TEF: variants seen among roughly 807,000 people sequenced by gnomAD.
TEF encodes the protein thyrotroph embryonic factor.
In TEF, 3 loss-of-function variants were observed where a neutral mutation model predicts 20.8. The ratio of observed to expected loss-of-function variants is 0.14; its 90% confidence interval spans 0.07 to 0.37. The LOEUF (loss-of-function observed/expected upper bound fraction) is 0.37, where lower values mean the gene tolerates loss of function less well. TEF is among the 10% of genes least tolerant of loss of function. The pLI, the probability that TEF is intolerant of heterozygous loss-of-function variation, is 1.00. For synonymous variants in TEF, 180 were observed against 171.1 expected (o/e 1.05, Z -0.41); for missense variants, 296 against 397.9 (o/e 0.74, Z 2.18).
chr22:41,381,933 G>A (rs563298443), upstream of TEF: 332 of 1,226,442 alleles, frequency 2.7e-4, 2 homozygotes, highest in African/African-American at 4.8e-3. Flanking sequence ...GGCGCCATTG[G>A]GCGCCTGCGC....
chr22:41,387,093 G>C (rs1487457867), intron 1 of TEF, among the ~76,000 whole-genome samples: 1 of 152,078 alleles, frequency 6.6e-6, no homozygotes, highest in Non-Finnish European at 1.5e-5. Context: ...CCCTATGACC[G>C]CTTAAGGTCT....
chr22:41,369,159 C>G, intron 1 of TEF: 2 of 985,352 alleles, frequency 2.0e-6, no homozygotes, highest in Non-Finnish European at 2.4e-6. Flanking sequence ...CGGGGCACTG[C>G]TCCTCAGATG....
intron 3 of TEF, among the ~76,000 whole-genome samples, chr22:41,395,030 A>G (rs958074283): frequency 3.5e-5 from 5 of 142,054 alleles, no homozygotes; most frequent in South Asian, 4.2e-4. Flanking sequence ...TTTTTGAGAC[A>G]GAGTCTCACT....
Position 41,396,231 on chromosome 22 carries a change from A to G in TEF, c.*271A>G. The G allele has an allele frequency of 2.4e-6, 1 of 423,324 alleles. No homozygotes were observed. Among genetic ancestry groups the G allele is most frequent in the Non-Finnish European group, 4.4e-6 (1 of 229,796 alleles). The allele number at this position is 423,324 out of a possible 1,614,324, so 26.2% of individuals were successfully genotyped here. ...CTTAGTTTCTATTCTTGGATGTCCC[A>G]GTTGAATCAGAAGGGGACCTCTGGA... On this transcript the variant is annotated 3_prime_UTR_variant, in exon 4 of 4. Coordinates refer to ENST00000266304, the MANE Select transcript of TEF (RefSeq NM_003216.4).
chr22:41,369,523 C>T (rs780195666), intron 1 of TEF, among the ~76,000 whole-genome samples: 1 of 152,186 alleles, frequency 6.6e-6, no homozygotes, highest in African/African-American at 2.4e-5. Flanking sequence ...GGGAAGAGGG[C>T]TGAAGAGCCA....
intron 2 of TEF, among the ~76,000 whole-genome samples, chr22:41,388,578 C>CA (rs10717641): frequency 0.013 from 1,500 of 116,324 alleles, 9 homozygotes; most frequent in Middle Eastern, 0.025. Context: ...GACGCCATCT[C>CA]AAAAAAAAAA....
rs1447210973 is a variant in TEF, at chr22:41,388,593, AAG to A, written c.475+927_475+928del. On this transcript the variant is annotated intron_variant, in intron 2 of 3. Transcript: ENST00000266304. Reference sequence around the variant, plus strand: ...GACGCCATCTCAAAAAAAAAAAAAAAAGAAAGCATTCCCACCACCTGGCCAGG... The same window carrying A: ...GACGCCATCTCAAAAAAAAAAAAAAAAAAGCATTCCCACCACCTGGCCAGG... Among the ~76,000 whole-genome samples, 13 of 149,518 alleles carry A rather than the reference AAG, an allele frequency of 8.7e-5. No individual in the cohort carries two copies. The Admixed American group carries it at 8.7e-4, about 10-fold the overall frequency.
chr22:41,370,091 C>T lies in TEF; in HGVS notation c.67+2492C>T, dbSNP rs901804275. 7.8e-5 allele frequency: 77 copies of T among 984,958 alleles called. No homozygotes were observed. In the African/African-American group the frequency reaches 1.3e-3, roughly 16 times the overall value. The allele number at this position is 984,958 out of a possible 1,614,324, so 61.0% of individuals were successfully genotyped here. The stretch of plus-strand genomic sequence containing the variant: ...GCTCTCCGCTCCGTGCAGCCTCTCA[C>T]TCCACTTTCTTTTATTTTCTCTTTC... On this transcript the variant is annotated intron_variant, in intron 1 of 3. Transcript: ENST00000406644.
At chr22:41,391,584 G>A (rs914745487) in intron 2 of TEF, among the ~76,000 whole-genome samples, 12 of 151,146 alleles carry the variant, frequency 7.9e-5, no homozygotes, top group East Asian at 5.8e-4. Context: ...TCAAAGTGCC[G>A]GGATTACAGG....
chr22:41,387,815 C>T (rs2037116196), intron 2 of TEF, 147 bp downstream of exon 2: 1 of 792,228 alleles, frequency 1.3e-6, no homozygotes, highest in East Asian at 2.7e-5. Flanking sequence ...ACTCTTCACT[C>T]CCCACCCTTC....
At chr22:41,386,911 G>A (rs1174721309) in intron 1 of TEF, among the ~76,000 whole-genome samples, 1 of 151,666 alleles carries the variant, frequency 6.6e-6, no homozygotes, top group African/African-American at 2.4e-5. Context: ...GGGCATGGTG[G>A]TGCGTACCTG....
At chr22:41,368,077 CTG>C (rs1183961298) in intron 1 of TEF, among the ~76,000 whole-genome samples, 2 of 152,104 alleles carry the variant, frequency 1.3e-5, no homozygotes, top group Non-Finnish European at 2.9e-5. Flanking sequence ...GGGATGGAAA[CTG>C]TTATGTAACA....
At chr22:41,370,154 C>T (rs545990876) in intron 1 of TEF, 49 of 959,538 alleles carry the variant, frequency 5.1e-5, no homozygotes, top group South Asian at 4.8e-4. Context: ...CTTGCTCTAT[C>T]GCCAGGCTGG....
At chr22:41,388,174 T>G (rs889230798) in intron 2 of TEF, among the ~76,000 whole-genome samples, 4 of 151,792 alleles carry the variant, frequency 2.6e-5, no homozygotes, top group Non-Finnish European at 4.4e-5. Context: ...TTTTTTTATT[T>G]TTTAGTAGAG....
intron 1 of TEF, among the ~76,000 whole-genome samples, chr22:41,384,658 G>A (rs566678911): frequency 6.6e-6 from 1 of 152,268 alleles, no homozygotes; most frequent in African/African-American, 2.4e-5. Flanking sequence ...CCTACCCCTT[G>A]TTGGGCCCTT....
intron 1 of TEF, among the ~76,000 whole-genome samples, chr22:41,385,797 G>T (rs1177976618): frequency 2.0e-5 from 3 of 152,114 alleles, no homozygotes; most frequent in Admixed American, 2.0e-4. Flanking sequence ...TGATTCTCCT[G>T]TCTCAGCCTC....
rs569276194 is a variant in TEF at position 41,373,243 on chromosome 22, C to T, written c.67+5644C>T. 3.3e-5 allele frequency among the ~76,000 whole-genome samples: 5 copies of T among 152,264 alleles called. No individual in the cohort carries two copies. The East Asian group carries it at 9.7e-4, about 29-fold the overall frequency. On this transcript the variant is annotated intron_variant, in intron 1 of 3. Transcript: ENST00000406644. ...ATGGACTACTTTACTTCGGACACCA[C>T]GGTACAGAGAAGTTCAACAATTTGT...
intron 1 of TEF, among the ~76,000 whole-genome samples, chr22:41,375,933 G>C (rs2036936257): frequency 6.6e-6 from 1 of 152,108 alleles, no homozygotes; most frequent in African/African-American, 2.4e-5. Context: ...TTGCGCAAAA[G>C]ACACAGATAA....
chr22:41,382,259 C>G, intron 1 of TEF, 58 bp downstream of exon 1: 1 of 1,124,132 alleles, frequency 8.9e-7, no homozygotes, highest in Non-Finnish European at 1.1e-6. Flanking sequence ...AGGGGCGGGG[C>G]CTCGTGAGGG....
Sources: gnomAD v4.1 joint callset for allele counts (sites outside exome capture counted in the v4.1 genomes callset) on GRCh38, gnomAD v4.1.1 for gene constraint, MANE v1.5 for transcripts, NCBI Gene and HGNC (gene_info 2026-07-23, HGNC 2026-07-21) for gene names.